Variants in SBF2 observed in about 807,000 individuals in gnomAD.
SBF2 encodes SET binding factor 2, also known as myotubularin-related protein 13.
In SBF2, 112 loss-of-function variants were observed where a neutral mutation model predicts 225.2. The observed-to-expected ratio is 0.50, with a 90% CI of 0.43 to 0.58. The LOEUF is 0.58. Ranked by LOEUF, SBF2 falls within the 20% of genes least tolerant of loss-of-function variation. The pLI, the probability that SBF2 is intolerant of heterozygous loss-of-function variation, is 0.00. For missense variants in SBF2, 1,996 were observed against 2,206.2 expected, an observed-to-expected ratio of 0.90 and a Z score of 1.91; for synonymous variants, 763 against 773.3, an observed-to-expected ratio of 0.99 and a Z score of 0.22.
intron 38 of SBF2, among the ~76,000 whole-genome samples, chr11:9,782,218 A>G (rs1852059889): frequency 6.6e-6 from 1 of 152,120 alleles, no homozygotes; most frequent in Non-Finnish European, 1.5e-5. Context: ...AACAACTGTA[A>G]AAAGTATATG....
In SBF2 at chr11:9,989,518, A is replaced by C; in HGVS notation, c.1374T>G (p.Leu458=). ...TTACATTTTTGAATAGTTGCTCAGCAAGTTCCCTGACATGCTTTATCATCT... is the reference window on the plus strand; with the variant it reads ...TTACATTTTTGAATAGTTGCTCAGCCAGTTCCCTGACATGCTTTATCATCT... ...PVKMIKHVRE[L]AEQLFKNENP... is the part of the protein sequence containing the mutation. The change falls in exon 13 of 40, where the codon CTT becomes CTG. Residue 458 remains leucine (L), a synonymous_variant. Coordinates refer to ENST00000256190, the MANE Select transcript of SBF2 (RefSeq NM_030962.4). The C allele has an allele frequency of 6.2e-7, 1 of 1,600,996 alleles. No individual in the cohort carries two copies. The highest frequency in any genetic ancestry group is 2.2e-5 in the East Asian group (1 of 44,752).
At chr11:10,066,940 C>A (rs1167788555) in intron 2 of SBF2, among the ~76,000 whole-genome samples, 1 of 152,098 alleles carries the variant, frequency 6.6e-6, no homozygotes, top group Non-Finnish European at 1.5e-5. Flanking sequence ...TAGCAATGAG[C>A]AAACCAGAAA....
At chr11:10,297,840 A>G (rs912067373), upstream of SBF2, among the ~76,000 whole-genome samples, 7 of 152,246 alleles carry the variant, frequency 4.6e-5, no homozygotes, top group African/African-American at 1.7e-4. Flanking sequence ...TGTATACACT[A>G]AAGCTGTGCT....
chr11:10,033,308 G>A (rs1949326714), intron 3 of SBF2, among the ~76,000 whole-genome samples: 1 of 152,100 alleles, frequency 6.6e-6, no homozygotes, highest in African/African-American at 2.4e-5. Context: ...GCCAGCTAGA[G>A]TAAGTAGATA....
chr11:9,831,956 T>C (rs563933983), intron 27 of SBF2, among the ~76,000 whole-genome samples: 3 of 152,266 alleles, frequency 2.0e-5, no homozygotes, highest in Non-Finnish European at 2.9e-5. Flanking sequence ...GGAATGAAAA[T>C]TGCCTAGGAC....
intron 2 of SBF2, among the ~76,000 whole-genome samples, chr11:10,081,465 A>G (rs1285121511): frequency 1.3e-5 from 2 of 152,196 alleles, no homozygotes; most frequent in African/African-American, 4.8e-5. Flanking sequence ...AAATACCTCC[A>G]TTTAAAGAAA....
At chr11:9,974,978 A>G (rs1481110148) in intron 13 of SBF2, among the ~76,000 whole-genome samples, 5 of 90,420 alleles carry the variant, frequency 5.5e-5, no homozygotes, top group East Asian at 3.1e-4. Flanking sequence ...AAAAAAAAAA[A>G]AAAAAAAAAA....
intron 16 of SBF2, among the ~76,000 whole-genome samples, chr11:9,954,737 T>C (rs1396647043): frequency 6.6e-6 from 1 of 152,144 alleles, no homozygotes; most frequent in East Asian, 1.9e-4. Flanking sequence ...AGAAATATGA[T>C]TATTCAAATG....
intron 28 of SBF2, 63 bp from the exon 29 acceptor site, chr11:9,817,087 A>G: frequency 6.4e-7 from 1 of 1,562,618 alleles, no homozygotes. Flanking sequence ...TAACTAAGGA[A>G]AAAGGTGCAT....
intron 16 of SBF2, chr11:9,958,689 G>A: frequency 6.0e-6 from 2 of 331,932 alleles, no homozygotes; most frequent in South Asian, 5.9e-5. Flanking sequence ...GGAAGAGTTG[G>A]AGTTGGATGA....
chr11:10,178,940 A>G (rs1956600921), intron 2 of SBF2, among the ~76,000 whole-genome samples: 1 of 142,754 alleles, frequency 7.0e-6, no homozygotes. Flanking sequence ...ACTTGGAACC[A>G]ACCCAAATGT....
intron 1 of SBF2, among the ~76,000 whole-genome samples, chr11:10,291,284 G>A (rs1397332824): frequency 1.3e-5 from 2 of 152,086 alleles, no homozygotes; most frequent in Non-Finnish European, 1.5e-5. Flanking sequence ...CCTTTTTAAA[G>A]AGACCCCAGA....
intron 1 of SBF2, among the ~76,000 whole-genome samples, chr11:10,206,517 C>A (rs1957756555): frequency 6.6e-6 from 1 of 151,908 alleles, no homozygotes; most frequent in South Asian, 2.1e-4. Context: ...AGACAATTAA[C>A]TGATGCCAAC....
chr11:10,158,520 T>C (rs533920593), intron 2 of SBF2, among the ~76,000 whole-genome samples: 3 of 151,996 alleles, frequency 2.0e-5, no homozygotes, highest in African/African-American at 7.2e-5. Context: ...AGAAATAGAA[T>C]CATAAGAGAT....
chr11:9,870,222 A>G (rs1858609027), intron 17 of SBF2, among the ~76,000 whole-genome samples: 1 of 152,236 alleles, frequency 6.6e-6, no homozygotes, highest in Non-Finnish European at 1.5e-5. Flanking sequence ...AACAAATGGA[A>G]AAACATTCCA....
chr11:9,880,255 T>C (rs1427625235), intron 17 of SBF2, among the ~76,000 whole-genome samples: 1 of 152,180 alleles, frequency 6.6e-6, no homozygotes, highest in Non-Finnish European at 1.5e-5. Context: ...ATTAACTATA[T>C]CTGGCTGAGT....
At chr11:9,863,041 T>C (rs951723195) in intron 17 of SBF2, among the ~76,000 whole-genome samples, 1 of 152,174 alleles carries the variant, frequency 6.6e-6, no homozygotes, top group Non-Finnish European at 1.5e-5. Flanking sequence ...TATTGTGCCA[T>C]GCAATTTTAT....
chr11:10,221,511 G>A (rs964859106), intron 1 of SBF2, among the ~76,000 whole-genome samples: 7 of 152,190 alleles, frequency 4.6e-5, no homozygotes, highest in African/African-American at 1.7e-4. Context: ...ACTAATTTAT[G>A]CATCATACAG....
chr11:10,204,185 T>C (rs1246586883), intron 1 of SBF2, among the ~76,000 whole-genome samples: 1 of 150,438 alleles, frequency 6.6e-6, no homozygotes, highest in African/African-American at 2.4e-5. Context: ...AGACTTCTCA[T>C]TATAAACAGT....
Sources: allele counts gnomAD v4.1 joint callset (sites outside exome capture counted in the v4.1 genomes callset), GRCh38; gene constraint gnomAD v4.1.1; transcripts MANE v1.5; gene names NCBI Gene and HGNC (gene_info 2026-07-23, HGNC 2026-07-21).